BCL2A1: variants seen among roughly 807,000 people sequenced by gnomAD.
BCL2A1 encodes BCL2 related protein A1.
A neutral mutation model predicts 14.4 loss-of-function variants in BCL2A1; 10 were observed. The observed-to-expected ratio is 0.69, with a 90% CI of 0.43 to 1.18. BCL2A1 has a LOEUF of 1.18. Among genes scored for constraint, BCL2A1 ranks in the 50% most tolerant of loss-of-function variants. BCL2A1 has a pLI of 0.00. For synonymous variants in BCL2A1, 71 were observed against 76.5 expected (o/e 0.93, Z 0.38); for missense variants, 158 against 205.0 (o/e 0.77, Z 1.40).
At chr15:79,967,172 T>C (rs2035549646) in intron 1 of BCL2A1, among the ~76,000 whole-genome samples, 1 of 151,722 alleles carries the variant, frequency 6.6e-6, no homozygotes, top group Non-Finnish European at 1.5e-5. Flanking sequence ...GCCAGGTCTG[T>C]CTGATTCTGA....
chr15:79,962,394 A>G (rs376916944), intron 1 of BCL2A1, among the ~76,000 whole-genome samples: 10 of 151,978 alleles, frequency 6.6e-5, no homozygotes, highest in African/African-American at 2.4e-4. Context: ...TTGACAGAGG[A>G]AGGAAACTGG....
At position 79,960,903 on chromosome 15, in the gene BCL2A1, A is replaced by C; in HGVS notation, c.*164T>G. 8.5e-7 allele frequency: 1 copy of C among 1,172,288 alleles called. No homozygotes were observed. The highest frequency in any genetic ancestry group is 1.5e-5 in the South Asian group (1 of 65,062). 72.6% of individuals were successfully genotyped at this position (1,172,288 alleles called of 1,614,324 possible). A position where few individuals can be genotyped will look rare whatever the true frequency, so the allele number is the denominator to read the frequency against. On this transcript the variant is annotated 3_prime_UTR_variant, in exon 2 of 2. Coordinates refer to ENST00000267953, the MANE Select transcript of BCL2A1 (RefSeq NM_004049.4). Reference sequence around the variant, plus strand: ...GACAAAATGGCATATAGAGAAAAATACATACAATTTATTCATTACATGGGG... The same window carrying C: ...GACAAAATGGCATATAGAGAAAAATCCATACAATTTATTCATTACATGGGG...
At chr15:79,968,472 A>C (rs2035564851) in intron 1 of BCL2A1, among the ~76,000 whole-genome samples, 1 of 152,220 alleles carries the variant, frequency 6.6e-6, no homozygotes, top group African/African-American at 2.4e-5. Flanking sequence ...GTGATTGAGA[A>C]AGGGGAGTAG....
chr15:79,969,691 A>C (rs1443171056), intron 1 of BCL2A1, among the ~76,000 whole-genome samples: 2 of 152,256 alleles, frequency 1.3e-5, no homozygotes, highest in Non-Finnish European at 1.5e-5. Context: ...ATATGGTATA[A>C]CATATATGTT....
intron 1 of BCL2A1, among the ~76,000 whole-genome samples, chr15:79,969,793 T>C (rs140916932): frequency 6.6e-6 from 1 of 152,222 alleles, no homozygotes; most frequent in Admixed American, 6.5e-5. Context: ...TTATTTTCTA[T>C]GGATAGATTC....
chr15:79,961,153 A>C lies in BCL2A1; in HGVS notation c.442T>G (p.Phe148Val), dbSNP rs773813106. 16 of 1,613,832 alleles carry C rather than the reference A, an allele frequency of 9.9e-6. No homozygotes were observed. Among genetic ancestry groups the C allele is most frequent in the African/African-American group, 1.3e-5 (1 of 74,924 alleles). ...GGWENGFVKK[F>V]EPKSGWMTFL... is the part of the protein sequence containing the mutation. ...GTCATCCAGCCAGATTTAGGTTCAAACTTCTTTACAAAGCCATTTTCCTAT... is the reference window on the plus strand; with the variant it reads ...GTCATCCAGCCAGATTTAGGTTCAACCTTCTTTACAAAGCCATTTTCCTAT... Residue 148 changes from phenylalanine to valine, a missense_variant, in exon 2 of 2, where the codon TTT becomes GTT. Coordinates refer to ENST00000267953, the MANE Select transcript of BCL2A1 (RefSeq NM_004049.4).
At chr15:79,966,325 T>C (rs1169591486) in intron 1 of BCL2A1, among the ~76,000 whole-genome samples, 5 of 152,168 alleles carry the variant, frequency 3.3e-5, no homozygotes, top group Admixed American at 2.0e-4. Context: ...AGGTTATACC[T>C]CTAGTGAGTG....
chr15:79,960,976 T>A lies in BCL2A1; in HGVS notation c.*91A>T, dbSNP rs1032447126. ...AGGTCAAGTTACATCATCAAAGTTG[T>A]TTATTTAAAAGTAGAAGTATGTGTT... On this transcript the variant is annotated 3_prime_UTR_variant, in exon 2 of 2. Coordinates refer to ENST00000267953, the MANE Select transcript of BCL2A1 (RefSeq NM_004049.4). 2 of 1,572,398 alleles carry A rather than the reference T, an allele frequency of 1.3e-6. No homozygotes were observed. The highest frequency in any genetic ancestry group is 2.7e-5 in the African/African-American group (2 of 73,562).
At chr15:79,968,405 A>G (rs1437414242) in intron 1 of BCL2A1, among the ~76,000 whole-genome samples, 5 of 152,214 alleles carry the variant, frequency 3.3e-5, no homozygotes, top group Non-Finnish European at 7.4e-5. Flanking sequence ...AACATTTCAC[A>G]TGATTCGCCC....
At chr15:79,969,404 G>C (rs1389912121) in intron 1 of BCL2A1, among the ~76,000 whole-genome samples, 1 of 152,126 alleles carries the variant, frequency 6.6e-6, no homozygotes, top group Non-Finnish European at 1.5e-5. Context: ...GAAGATTTAC[G>C]TAAAATGATA....
chr15:79,965,456 G>T (rs541624187), intron 1 of BCL2A1, among the ~76,000 whole-genome samples: 1 of 152,262 alleles, frequency 6.6e-6, no homozygotes, highest in East Asian at 1.9e-4. Flanking sequence ...CGCTGTGGGG[G>T]CTATGTGGAA....
At chr15:79,967,876 T>C (rs2035557270) in intron 1 of BCL2A1, among the ~76,000 whole-genome samples, 1 of 152,150 alleles carries the variant, frequency 6.6e-6, no homozygotes. Context: ...TGAAATGACA[T>C]TTCCAAGAGT....
chr15:79,961,546 C>G (rs2035490829), intron 1 of BCL2A1, among the ~76,000 whole-genome samples: 2 of 152,174 alleles, frequency 1.3e-5, no homozygotes, highest in African/African-American at 4.8e-5. Context: ...CCACATTTCA[C>G]TTCCATAGTG....
chr15:79,970,907 G>C lies in BCL2A1; in HGVS notation c.213C>G (p.Phe71Leu). 3 of 1,614,194 alleles carry C rather than the reference G, an allele frequency of 1.9e-6. No individual in the cohort carries two copies. The highest frequency in any genetic ancestry group is 2.5e-6 in the Non-Finnish European group (3 of 1,180,000). Residue 71 changes from phenylalanine to leucine, a missense_variant, in exon 1 of 2, where the codon TTC becomes TTG. Physicochemically the swap from Phe to Leu is conservative, Grantham distance 22. Transcript: ENST00000267953. ...VVSVDTARTL[F>L]NQVMEKEFED... ...CAAACTCCTTTTCCATCACTTGGTT[G>C]AATAGTGTTCTGGCAGTGTCTACGG... is the stretch of plus-strand genomic sequence containing the variant.
intron 1 of BCL2A1, among the ~76,000 whole-genome samples, chr15:79,967,221 CTTTTTT>C: frequency 8.7e-6 from 1 of 115,034 alleles, no homozygotes; most frequent in Non-Finnish European, 1.7e-5. Context: ...TCACATACCG[CTTTTTT>C]TTTTTTTTTT....
At chr15:79,962,868 G>A (rs185079312) in intron 1 of BCL2A1, among the ~76,000 whole-genome samples, 27 of 151,608 alleles carry the variant, frequency 1.8e-4, no homozygotes, top group Admixed American at 3.3e-4. Context: ...TTATGACAAC[G>A]ATCATTGTCT....
intron 1 of BCL2A1, among the ~76,000 whole-genome samples, chr15:79,965,379 G>A (rs574168169): frequency 6.6e-6 from 1 of 152,208 alleles, no homozygotes; most frequent in South Asian, 2.1e-4. Context: ...CGCCCGCCTC[G>A]GCCTCCCAAA....
intron 1 of BCL2A1, 45 bp from the exon 2 acceptor site, chr15:79,961,219 A>G (rs1286602656): frequency 6.4e-7 from 1 of 1,567,818 alleles, no homozygotes; most frequent in Non-Finnish European, 8.7e-7. Context: ...TTGGAGATTA[A>G]GTATGCTGGA....
At chr15:79,961,500 A>AT (rs2035490592) in intron 1 of BCL2A1, among the ~76,000 whole-genome samples, 1 of 152,226 alleles carries the variant, frequency 6.6e-6, no homozygotes, top group Non-Finnish European at 1.5e-5. Context: ...TCCAATGAGT[A>AT]TTTAGTACTT....
Sources: gnomAD v4.1 joint callset for allele counts (sites outside exome capture counted in the v4.1 genomes callset) on GRCh38, gnomAD v4.1.1 for gene constraint, MANE v1.5 for transcripts, NCBI Gene and HGNC (gene_info 2026-07-23, HGNC 2026-07-21) for gene names.